Variants in FANCC observed in about 807,000 individuals in gnomAD.
FANCC encodes FA complementation group C.
Under a neutral mutation model 71.3 loss-of-function variants are expected in FANCC, and 55 were observed. That is an observed-to-expected ratio of 0.77 (90% CI 0.62 to 0.97). The LOEUF is 0.97. Among genes scored for constraint, FANCC ranks in the 50% least tolerant of loss-of-function variants. The probability of loss-of-function intolerance (pLI) is 0.00; values close to 1 mark genes in which losing one functional copy is unlikely to be tolerated. For synonymous variants in FANCC, 275 were observed against 244.9 expected, an observed-to-expected ratio of 1.12 and a Z score of -1.15; for missense variants, 678 against 670.9, an observed-to-expected ratio of 1.01 and a Z score of -0.12.
chr9:95,294,683 A>G, intron 1 of FANCC: 1 of 1,594,976 alleles, frequency 6.3e-7, no homozygotes, highest in East Asian at 2.2e-5. Flanking sequence ...TTCTTCACCA[A>G]CAACGAAACT....
intron 6 of FANCC, among the ~76,000 whole-genome samples, chr9:95,170,691 G>A (rs1030935186): frequency 1.1e-4 from 11 of 101,504 alleles, no homozygotes; most frequent in African/African-American, 3.6e-4. Flanking sequence ...GGGAGCAGAA[G>A]AAGGCAGAGC....
At chr9:95,114,254 C>G in intron 12 of FANCC, 1 of 346,212 alleles carries the variant, frequency 2.9e-6, no homozygotes, top group Non-Finnish European at 5.6e-6. Context: ...ACCACAGGAC[C>G]CAAACAAGTG....
At chr9:95,237,641 C>T (rs62560522) in intron 4 of FANCC, among the ~76,000 whole-genome samples, 3,088 of 152,188 alleles carry the variant, frequency 0.02, 50 homozygotes, top group Middle Eastern at 0.037. Flanking sequence ...ATTTAAATAC[C>T]GATACTTGAT....
chr9:95,295,771 A>T (rs943863230), intron 1 of FANCC, among the ~76,000 whole-genome samples: 5 of 134,190 alleles, frequency 3.7e-5, no homozygotes, highest in African/African-American at 1.1e-4. Context: ...TGTATCAATT[A>T]AAAAAAAAAA....
chr9:95,302,125 C>T (rs894599967), intron 1 of FANCC, among the ~76,000 whole-genome samples: 1 of 150,548 alleles, frequency 6.6e-6, no homozygotes, highest in African/African-American at 2.4e-5. Flanking sequence ...GAAAAAAGAT[C>T]TTCTAAATCA....
intron 3 of FANCC, among the ~76,000 whole-genome samples, chr9:95,241,156 G>C (rs1284795937): frequency 6.6e-6 from 1 of 152,076 alleles, no homozygotes; most frequent in Non-Finnish European, 1.5e-5. Flanking sequence ...TAGTAATTTC[G>C]ACCTTTCTAA....
intron 1 of FANCC, among the ~76,000 whole-genome samples, chr9:95,290,836 C>T (rs1833954733): frequency 6.6e-6 from 1 of 152,164 alleles, no homozygotes; most frequent in Admixed American, 6.5e-5. Context: ...CAACACAACA[C>T]TAGCAAACAG....
At chr9:95,211,597 G>T (rs141904065) in intron 4 of FANCC, among the ~76,000 whole-genome samples, 15 of 152,240 alleles carry the variant, frequency 9.9e-5, no homozygotes, top group Admixed American at 3.9e-4. Context: ...ATAAATGTCT[G>T]CCGGGATAAA....
chr9:95,185,662 G>T (rs1479343293), intron 4 of FANCC, among the ~76,000 whole-genome samples: 2 of 152,176 alleles, frequency 1.3e-5, no homozygotes, highest in African/African-American at 4.8e-5. Flanking sequence ...AATTACCATA[G>T]TTCCTTTTCT....
intron 1 of FANCC, among the ~76,000 whole-genome samples, chr9:95,304,817 G>A (rs1834980608): frequency 6.7e-6 from 1 of 149,932 alleles, no homozygotes; most frequent in South Asian, 2.1e-4. Flanking sequence ...GGCAATAGAT[G>A]CAGTCTGTTG....
intron 7 of FANCC, among the ~76,000 whole-genome samples, chr9:95,142,051 G>A (rs1329813513): frequency 1.7e-5 from 2 of 119,134 alleles, no homozygotes; most frequent in Non-Finnish European, 3.2e-5. Context: ...GGAGTGCAAT[G>A]GCACGATCTC....
At chr9:95,214,540 A>G (rs1564759684) in intron 4 of FANCC, among the ~76,000 whole-genome samples, 3 of 152,224 alleles carry the variant, frequency 2.0e-5, no homozygotes, top group Non-Finnish European at 4.4e-5. Context: ...TCCTGAAGAG[A>G]TATTTGTACA....
intron 7 of FANCC, among the ~76,000 whole-genome samples, chr9:95,145,780 A>G (rs1167842644): frequency 6.6e-6 from 1 of 152,200 alleles, no homozygotes; most frequent in Non-Finnish European, 1.5e-5. Context: ...AGCCCACAGG[A>G]CTGTGCTCCA....
chr9:95,147,607 T>A (rs1417141713), intron 7 of FANCC, among the ~76,000 whole-genome samples: 1 of 152,220 alleles, frequency 6.6e-6, no homozygotes, highest in Non-Finnish European at 1.5e-5. Context: ...GAAAGTGGGC[T>A]AAACTGTAAA....
intron 1 of FANCC, among the ~76,000 whole-genome samples, chr9:95,256,989 T>A (rs1254648354): frequency 2.0e-5 from 3 of 152,146 alleles, no homozygotes; most frequent in African/African-American, 4.8e-5. Flanking sequence ...GAGCTTACTA[T>A]CCTAAATATA....
intron 6 of FANCC, among the ~76,000 whole-genome samples, chr9:95,158,124 T>C (rs1157509998): frequency 1.3e-5 from 2 of 152,154 alleles, no homozygotes; most frequent in Admixed American, 6.6e-5. Context: ...TACCTTTCAA[T>C]TGCACAAACA....
intron 7 of FANCC, among the ~76,000 whole-genome samples, chr9:95,135,983 C>T (rs45592237): frequency 2.4e-3 from 359 of 152,324 alleles, no homozygotes; most frequent in Non-Finnish European, 4.0e-3. Context: ...GGGCCTATCT[C>T]CTTCACAGTG....
chr9:95,213,484 G>A (rs1395381708), intron 4 of FANCC, among the ~76,000 whole-genome samples: 2 of 152,118 alleles, frequency 1.3e-5, no homozygotes, highest in Admixed American at 6.6e-5. Context: ...AGAATACAGA[G>A]TCCAATAATA....
chr9:95,111,737 G>A (rs966594997), intron 12 of FANCC, 100 bp from the exon 13 acceptor site: 2 of 1,427,406 alleles, frequency 1.4e-6, no homozygotes, highest in African/African-American at 2.8e-5. Flanking sequence ...GGCTTAAATT[G>A]TACTTATCCA....
Sources: gnomAD v4.1 joint callset for allele counts (sites outside exome capture counted in the v4.1 genomes callset) on GRCh38, gnomAD v4.1.1 for gene constraint, MANE v1.5 for transcripts, NCBI Gene and HGNC (gene_info 2026-07-23, HGNC 2026-07-21) for gene names.